ACTR3C: variants seen among roughly 807,000 people sequenced by gnomAD.
ACTR3C encodes the protein actin-related protein 3C.
Under a neutral mutation model 26.3 loss-of-function variants are expected in ACTR3C, and 18 were observed. The observed-to-expected ratio is 0.68, with a 90% confidence interval of 0.47 to 1.01. The LOEUF (loss-of-function observed/expected upper bound fraction) is 1.01, where lower values mean the gene tolerates loss of function less well. ACTR3C is among the 50% of genes least tolerant of loss of function. The pLI, the probability that ACTR3C is intolerant of heterozygous loss-of-function variation, is 0.00. For synonymous variants in ACTR3C, 55 were observed against 94.5 expected (o/e 0.58, Z 2.42); for missense variants, 184 against 250.7 (o/e 0.73, Z 1.80).
chr7:149,985,207 A>AACACACACACACACACACAC, the ACTR3C span, among the ~76,000 whole-genome samples: 2 of 130,804 alleles, frequency 1.5e-5, no homozygotes, highest in Non-Finnish European at 3.2e-5. Flanking sequence ...CAAACAAAGC[A>AACACACACACACACACACAC]ACACACACAC....
the ACTR3C span, among the ~76,000 whole-genome samples, chr7:150,102,722 C>A: frequency 1.3e-5 from 2 of 151,568 alleles, no homozygotes; most frequent in Non-Finnish European, 2.9e-5. Context: ...AACAGGGCCA[C>A]CTTCCATGAT....
intron 6 of ACTR3C, among the ~76,000 whole-genome samples, chr7:150,280,317 C>T (rs898822476): frequency 6.6e-6 from 1 of 152,220 alleles, no homozygotes; most frequent in African/African-American, 2.4e-5. Context: ...GGCCCCACCC[C>T]TGTCATTCCT....
chr7:149,979,902 G>A, the ACTR3C span, among the ~76,000 whole-genome samples: 1 of 146,984 alleles, frequency 6.8e-6, no homozygotes, highest in Non-Finnish European at 1.5e-5. Flanking sequence ...CCTAGGGTCA[G>A]CATTTTGGGG....
the ACTR3C span, among the ~76,000 whole-genome samples, chr7:150,119,838 A>G: frequency 1.3e-5 from 2 of 152,198 alleles, no homozygotes; most frequent in Non-Finnish European, 2.9e-5. Context: ...TTGGAAGTAA[A>G]ACACTCCTCA....
At chr7:150,205,048 A>G in the ACTR3C span, among the ~76,000 whole-genome samples, 1 of 152,370 alleles carries the variant, frequency 6.6e-6, no homozygotes, top group Non-Finnish European at 1.5e-5. Flanking sequence ...ATAATGTTAT[A>G]TTAGACTAGG....
At chr7:150,041,674 T>G in the ACTR3C span, among the ~76,000 whole-genome samples, 1,034 of 41,696 alleles carry the variant, frequency 0.025, no homozygotes, top group Middle Eastern at 0.043. Context: ...CAGCCGGGGG[T>G]GGAAGAGGGG....
At chr7:150,131,117 A>T in the ACTR3C span, among the ~76,000 whole-genome samples, 99 of 152,362 alleles carry the variant, frequency 6.5e-4, no homozygotes, top group African/African-American at 2.3e-3. Context: ...GAGAATGTGA[A>T]TGAATGCATA....
At chr7:150,048,857 C>T in the ACTR3C span, among the ~76,000 whole-genome samples, 2 of 152,080 alleles carry the variant, frequency 1.3e-5, no homozygotes, top group African/African-American at 2.4e-5. Context: ...CTTCCCTTCG[C>T]CTCTCTCCGG....
At chr7:150,110,896 G>A in the ACTR3C span, among the ~76,000 whole-genome samples, 1 of 147,432 alleles carries the variant, frequency 6.8e-6, no homozygotes, top group East Asian at 2.0e-4. Flanking sequence ...TGGCCACTGC[G>A]AGGCTGGCAG....
the ACTR3C span, among the ~76,000 whole-genome samples, chr7:150,121,034 C>A: frequency 2.0e-5 from 3 of 152,084 alleles, no homozygotes; most frequent in Non-Finnish European, 4.4e-5. Flanking sequence ...AAATTCAACA[C>A]CCCCTCATGC....
the ACTR3C span, among the ~76,000 whole-genome samples, chr7:150,063,359 G>C: frequency 5.9e-5 from 9 of 151,810 alleles, no homozygotes; most frequent in South Asian, 1.9e-3. Context: ...ATGTCTGTTA[G>C]AGTGCCAGGA....
chr7:150,227,688 G>GTTTTTTTTTTTTTTTTTTTTTT, the ACTR3C span, among the ~76,000 whole-genome samples: 9 of 111,376 alleles, frequency 8.1e-5, no homozygotes, highest in African/African-American at 1.9e-4. Flanking sequence ...TTGTGTCTGG[G>GTTTTTTTTTTTTTTTTTTTTTT]TTTTTTTTTT....
At chr7:150,214,972 A>G in the ACTR3C span, among the ~76,000 whole-genome samples, 12 of 151,626 alleles carry the variant, frequency 7.9e-5, no homozygotes, top group Non-Finnish European at 1.0e-4. Flanking sequence ...GGATGAAATC[A>G]AAGTAAAAAT....
chr7:150,207,394 A>G, the ACTR3C span, among the ~76,000 whole-genome samples: 1 of 152,256 alleles, frequency 6.6e-6, no homozygotes, highest in East Asian at 1.9e-4. Flanking sequence ...TAAAGGAATA[A>G]TAGCAAGGAG....
At chr7:150,037,803 C>A in the ACTR3C span, among the ~76,000 whole-genome samples, 73 of 28,408 alleles carry the variant, frequency 2.6e-3, 3 homozygotes, top group South Asian at 0.061. Flanking sequence ...CCAGAGCCAG[C>A]GGGGGAAGAG....
the ACTR3C span, among the ~76,000 whole-genome samples, chr7:149,966,104 TG>T: frequency 6.6e-6 from 1 of 152,208 alleles, no homozygotes. Context: ...GCTCCGTAGT[TG>T]TTTTGGCGTC....
chr7:150,107,454 C>G, the ACTR3C span, among the ~76,000 whole-genome samples: 1 of 151,964 alleles, frequency 6.6e-6, no homozygotes, highest in Non-Finnish European at 1.5e-5. Flanking sequence ...TGCATCAGCA[C>G]TCTTGAAACC....
chr7:150,041,280 C>T, the ACTR3C span: 1 of 151,048 alleles, frequency 6.6e-6, no homozygotes, highest in African/African-American at 2.5e-5. Flanking sequence ...CAAAACCCCA[C>T]AGCTCCTAAG....
the ACTR3C span, among the ~76,000 whole-genome samples, chr7:149,943,338 C>T: frequency 2.2e-3 from 337 of 151,324 alleles, no homozygotes; most frequent in African/African-American, 7.8e-3. Context: ...AGAGGGTGGA[C>T]CTGCAGGTGT....
Sources: gnomAD v4.1 joint callset for allele counts (sites outside exome capture counted in the v4.1 genomes callset) on GRCh38, gnomAD v4.1.1 for gene constraint, MANE v1.5 for transcripts, NCBI Gene and HGNC (gene_info 2026-07-23, HGNC 2026-07-21) for gene names.